Variants in SSH2 observed in about 807,000 individuals in gnomAD.
The protein encoded by SSH2 is protein phosphatase Slingshot homolog 2.
Under a neutral mutation model 135.2 loss-of-function variants are expected in SSH2, and 37 were observed. The ratio of observed to expected loss-of-function variants is 0.27; its 90% CI spans 0.21 to 0.36. The LOEUF is 0.36. SSH2 is among the 10% of genes least tolerant of loss of function. The pLI, the probability that SSH2 is intolerant of heterozygous loss-of-function variation, is 1.00. For synonymous variants in SSH2, 628 were observed against 646.2 expected (o/e 0.97, Z 0.43); for missense variants, 1,408 against 1,765.3 (o/e 0.80, Z 3.63).
intron 2 of SSH2, among the ~76,000 whole-genome samples, chr17:29,798,514 G>A (rs1275294289): frequency 1.3e-5 from 2 of 151,970 alleles, no homozygotes; most frequent in East Asian, 1.9e-4. Context: ...CATATTTTTG[G>A]CATATTTGAA....
intron 1 of SSH2, among the ~76,000 whole-genome samples, chr17:29,859,283 CT>C (rs1032888707): frequency 1.1e-4 from 17 of 151,872 alleles, no homozygotes; most frequent in African/African-American, 3.9e-4. Context: ...TCCTCTTACA[CT>C]TTTTTTTCTT....
intron 1 of SSH2, among the ~76,000 whole-genome samples, chr17:29,857,818 A>C (rs779441266): frequency 1.3e-5 from 2 of 152,128 alleles, no homozygotes; most frequent in Non-Finnish European, 2.9e-5. Flanking sequence ...GTATATTCAC[A>C]CTGTTGTATA....
At chr17:29,876,834 C>T (rs576385721) in intron 1 of SSH2, among the ~76,000 whole-genome samples, 183 of 151,864 alleles carry the variant, frequency 1.2e-3, no homozygotes, top group African/African-American at 4.2e-3. Context: ...TAATACCCCA[C>T]ATGCACAGGC....
chr17:29,840,943 G>C (rs2050899849), intron 2 of SSH2, among the ~76,000 whole-genome samples: 1 of 152,190 alleles, frequency 6.6e-6, no homozygotes, highest in African/African-American at 2.4e-5. Context: ...CCTTCAACTT[G>C]AGCTCTTTAA....
chr17:29,821,497 T>C (rs2042650106), intron 2 of SSH2, among the ~76,000 whole-genome samples: 1 of 141,946 alleles, frequency 7.0e-6, no homozygotes, highest in African/African-American at 3.0e-5. Context: ...GCAAATAAAT[T>C]ATGAAAAAAA....
In SSH2 at chr17:29,631,967, G is replaced by A. The variant is rs1293934650; in HGVS notation, c.3227C>T (p.Ser1076Phe). ...QGLRKVNMEK[S>F]VTVLCTLDEN... ...ATCCAGTGTGCAGAGCACAGTGACA[G>A]ATTTTTCCATGTTCACTTTCCTCAG... The change falls in exon 16 of 16, where the codon TCT becomes TTT. Residue 1076 changes from serine to phenylalanine, a missense_variant. Transcript: ENST00000540801. 6.2e-7 allele frequency: 1 copy of A among 1,614,194 alleles called. No homozygotes were observed. Among genetic ancestry groups the A allele is most frequent in the Non-Finnish European group, 8.5e-7 (1 of 1,180,024 alleles).
intron 2 of SSH2, among the ~76,000 whole-genome samples, chr17:29,818,287 C>T (rs1259968766): frequency 6.8e-6 from 1 of 146,876 alleles, no homozygotes; most frequent in African/African-American, 2.5e-5. Flanking sequence ...CTTGCCTTGT[C>T]GCCCAGGCTG....
chr17:29,752,338 C>T (rs557779649), intron 3 of SSH2, among the ~76,000 whole-genome samples: 2 of 152,168 alleles, frequency 1.3e-5, no homozygotes, highest in South Asian at 4.1e-4. Flanking sequence ...AACAGAAAAA[C>T]ATGAACAGAA....
At chr17:29,824,880 A>G (rs562281292) in intron 2 of SSH2, among the ~76,000 whole-genome samples, 6 of 152,306 alleles carry the variant, frequency 3.9e-5, no homozygotes, top group Admixed American at 1.3e-4. Flanking sequence ...AGCTAGAACT[A>G]CTGAAGAAAA....
intron 2 of SSH2, among the ~76,000 whole-genome samples, chr17:29,801,404 C>T (rs2042248711): frequency 6.6e-6 from 1 of 152,086 alleles, no homozygotes; most frequent in East Asian, 1.9e-4. Flanking sequence ...CTATTTGCTC[C>T]AATCCAAGTC....
intron 6 of SSH2, among the ~76,000 whole-genome samples, chr17:29,681,930 A>T (rs531090473): frequency 1.6e-3 from 250 of 152,362 alleles, no homozygotes; most frequent in African/African-American, 5.6e-3. Flanking sequence ...CAGAGGATGT[A>T]TGGGAATTTC....
At chr17:29,638,705 C>T (rs769685795) in intron 14 of SSH2, among the ~76,000 whole-genome samples, 7 of 151,920 alleles carry the variant, frequency 4.6e-5, no homozygotes, top group Admixed American at 1.3e-4. Flanking sequence ...TTTGCCACCA[C>T]GCCTGGCTGA....
Position 29,631,641 on chromosome 17 carries a change from C to A in SSH2, c.3553G>T (p.Val1185Phe), listed in dbSNP as rs115048798. ...STTDEPSAEQ[V>F]SWEESQESPL... ...CTCTCCTGACTTTCTTCCCAGCTAACCTGTTCTGCAGAGGGCTCATCTGTA... is the reference window on the plus strand; with the variant it reads ...CTCTCCTGACTTTCTTCCCAGCTAAACTGTTCTGCAGAGGGCTCATCTGTA... The change falls in exon 16 of 16, where the codon GTT becomes TTT. Residue 1185 changes from valine to phenylalanine, a missense_variant. Val to Phe is a conservative substitution (Grantham distance 50). Transcript: ENST00000540801. 2 of 1,614,096 alleles carry A rather than the reference C, an allele frequency of 1.2e-6. No homozygotes were observed. The highest frequency in any genetic ancestry group is 1.7e-6 in the Non-Finnish European group (2 of 1,180,048).
intron 3 of SSH2, among the ~76,000 whole-genome samples, chr17:29,722,554 T>C (rs1407281088): frequency 6.6e-6 from 1 of 152,204 alleles, no homozygotes; most frequent in Non-Finnish European, 1.5e-5. Context: ...TCTGAACTTC[T>C]GCTTAAGACA....
At chr17:29,890,789 C>T (rs1480370126) in intron 1 of SSH2, among the ~76,000 whole-genome samples, 1 of 152,116 alleles carries the variant, frequency 6.6e-6, no homozygotes, top group African/African-American at 2.4e-5. Flanking sequence ...AAGCTGTTCG[C>T]TCTGTCACCA....
chr17:29,839,323 G>A (rs961636963), intron 2 of SSH2, among the ~76,000 whole-genome samples: 1 of 152,212 alleles, frequency 6.6e-6, no homozygotes, highest in Non-Finnish European at 1.5e-5. Context: ...CTGCCAGGCC[G>A]AGTGGGTGGA....
chr17:29,916,777 C>A (rs568805006), intron 1 of SSH2, among the ~76,000 whole-genome samples: 42 of 152,260 alleles, frequency 2.8e-4, no homozygotes, highest in East Asian at 5.8e-4. Flanking sequence ...AATCAATGAG[C>A]TTCCTTAATA....
At chr17:29,838,026 C>T (rs2042973457) in intron 2 of SSH2, among the ~76,000 whole-genome samples, 1 of 152,246 alleles carries the variant, frequency 6.6e-6, no homozygotes, top group Non-Finnish European at 1.5e-5. Context: ...GCCCAAACCT[C>T]GGCTGCAGAC....
At chr17:29,926,576 A>G (rs1263494406) in intron 1 of SSH2, among the ~76,000 whole-genome samples, 1 of 151,504 alleles carries the variant, frequency 6.6e-6, no homozygotes, top group Non-Finnish European at 1.5e-5. Context: ...AAAAAATCTT[A>G]AAATACCACT....
Sources: gnomAD v4.1 joint callset for allele counts (sites outside exome capture counted in the v4.1 genomes callset) on GRCh38, gnomAD v4.1.1 for gene constraint, MANE v1.5 for transcripts, NCBI Gene and HGNC (gene_info 2026-07-23, HGNC 2026-07-21) for gene names.